CYP26C1: variants seen among roughly 807,000 people sequenced by gnomAD.
CYP26C1 encodes the protein cytochrome P450 26C1.
CYP26C1 carries 41 observed loss-of-function variants against 39.1 expected under a neutral mutation model. That is an observed-to-expected ratio of 1.05 (90% CI 0.82 to 1.36). The LOEUF is 1.36. CYP26C1 is among the 40% of genes most tolerant of loss of function. CYP26C1 has a pLI of 0.00. For synonymous variants in CYP26C1, 362 were observed against 350.8 expected (o/e 1.03, Z -0.36); for missense variants, 833 against 752.0 (o/e 1.11, Z -1.26).
Position 93,068,743 on chromosome 10 carries a change from C to T in CYP26C1, c.*46C>T. On this transcript the variant is annotated 3_prime_UTR_variant, in exon 6 of 6. Coordinates refer to ENST00000651965, the MANE Select transcript of CYP26C1 (RefSeq NM_183374.3). Reference sequence around the variant, plus strand: ...CGGCTTGGCCGGTGGCTATGGCGCGCACGCAGCGCCACCCATCTGCCGCTC... The same window carrying T: ...CGGCTTGGCCGGTGGCTATGGCGCGTACGCAGCGCCACCCATCTGCCGCTC... 1 of 1,463,310 alleles carries T rather than the reference C, an allele frequency of 6.8e-7. No homozygotes were observed. The highest frequency in any genetic ancestry group is 9.0e-7 in the Non-Finnish European group (1 of 1,109,030). 90.6% of individuals were successfully genotyped at this position (1,463,310 alleles called of 1,614,324 possible).
chr10:93,062,811 C>T lies in CYP26C1; in HGVS notation c.521C>T (p.Ala174Val). 6.4e-7 allele frequency: 1 copy of T among 1,555,224 alleles called. No homozygotes were observed. Among genetic ancestry groups the T allele is most frequent in the Non-Finnish European group, 8.6e-7 (1 of 1,157,196 alleles). Residue 174 changes from alanine to valine, a missense_variant, in exon 3 of 6, where the codon GCG becomes GTG. Physicochemically the swap from Ala to Val is moderately conservative, Grantham distance 64 (BLOSUM62 0). Coordinates refer to ENST00000651965, the MANE Select transcript of CYP26C1 (RefSeq NM_183374.3). ...CGGCATGAGGTGCGCTCCTGGTGCGCGGCGGGCGGGCCGGTCTCAGTCTAC... is the reference window on the plus strand; with the variant it reads ...CGGCATGAGGTGCGCTCCTGGTGCGTGGCGGGCGGGCCGGTCTCAGTCTAC... ...ALRHEVRSWCAAGGPVSVYDA... is the reference protein window; with the variant it reads ...ALRHEVRSWCVAGGPVSVYDA...
rs1422916323 is a variant in CYP26C1 at position 93,066,125 on chromosome 10, G to A, written c.1031G>A (p.Gly344Asp). The change falls in exon 5 of 6, where the codon GGC (glycine) becomes GAC (aspartate). Residue 344 changes from glycine to aspartate, a missense_variant. Gly to Asp is a moderately conservative substitution (Grantham distance 94). Coordinates refer to ENST00000651965, the MANE Select transcript of CYP26C1 (RefSeq NM_183374.3). ...ACGCAPGAAG[G>D]SEGPPPDCGC... ...GGCTGCGCGCCCGGGGCCGCTGGGG[G>A]CAGCGAGGGGCCCCCGCCCGACTGC... 2.2e-6 allele frequency: 3 copies of A among 1,334,422 alleles called. No homozygotes were observed. The highest frequency in any genetic ancestry group is 2.9e-6 in the Non-Finnish European group (3 of 1,047,358). 82.7% of individuals were successfully genotyped at this position (1,334,422 alleles called of 1,614,324 possible).
intron 5 of CYP26C1, among the ~76,000 whole-genome samples, chr10:93,066,718 C>G (rs963917333): frequency 6.6e-6 from 1 of 152,208 alleles, no homozygotes; most frequent in Non-Finnish European, 1.5e-5. Context: ...GAAGGAACCC[C>G]TCATTGCGAC....
chr10:93,068,005 GT>G (rs1048429381), intron 5 of CYP26C1, among the ~76,000 whole-genome samples: 1 of 152,150 alleles, frequency 6.6e-6, no homozygotes, highest in African/African-American at 2.4e-5. Flanking sequence ...ATAACTAATA[GT>G]TACCGTTTAC....
In CYP26C1 at chr10:93,066,301, C is replaced by T; in HGVS notation, c.1191+16C>T. The T allele has an allele frequency of 7.5e-7, 1 of 1,336,872 alleles. No homozygotes were observed. The highest frequency in any genetic ancestry group is 9.6e-7 in the Non-Finnish European group (1 of 1,043,326). 82.8% of individuals were successfully genotyped at this position (1,336,872 alleles called of 1,614,324 possible). On this transcript the variant is annotated intron_variant, in intron 5 of 5. Coordinates refer to ENST00000651965, the MANE Select transcript of CYP26C1 (RefSeq NM_183374.3). ...CGAGCTCGACGTAAGTGCGCCGTGC[C>T]AGCCCATGGCCAGCCTCCTGCCTCC...
Position 93,061,175 on chromosome 10 carries a change from C to T in CYP26C1, c.-89C>T. 1 of 1,378,602 alleles carries T rather than the reference C, an allele frequency of 7.3e-7. No homozygotes were observed. Among genetic ancestry groups the T allele is most frequent in the Non-Finnish European group, 9.9e-7 (1 of 1,013,338 alleles). The allele number at this position is 1,378,602 out of a possible 1,614,324, so 85.4% of individuals were successfully genotyped here. A position where few individuals can be genotyped will look rare whatever the true frequency, so the allele number is the denominator to read the frequency against. On this transcript the variant is annotated 5_prime_UTR_variant, in exon 1 of 6. Transcript: ENST00000651965. Reference sequence around the variant, plus strand: ...AACCCCAGGCCTTTTGCGGACGGAACAGGTGAGCACTGCGCACTGCTCGCG... The same window carrying T: ...AACCCCAGGCCTTTTGCGGACGGAATAGGTGAGCACTGCGCACTGCTCGCG...
chr10:93,063,601 CCA>C, intron 3 of CYP26C1: 1 of 985,600 alleles, frequency 1.0e-6, no homozygotes, highest in Non-Finnish European at 1.2e-6. Context: ...CTGGGACTTC[CCA>C]CTGTTTGATT....
At chr10:93,066,662 C>T (rs996021288) in intron 5 of CYP26C1, among the ~76,000 whole-genome samples, 1 of 152,192 alleles carries the variant, frequency 6.6e-6, no homozygotes, top group Non-Finnish European at 1.5e-5. Flanking sequence ...CAAAGAGAAC[C>T]CCTCAGTATG....
At chr10:93,063,234 C>T (rs1247270340) in intron 3 of CYP26C1, 1 of 1,243,940 alleles carries the variant, frequency 8.0e-7, no homozygotes, top group East Asian at 3.2e-5. Context: ...GTGGGACGCG[C>T]CTGCCGCGAC....
intron 3 of CYP26C1, chr10:93,063,911 T>A (rs1468744073): frequency 1.0e-6 from 1 of 986,848 alleles, no homozygotes; most frequent in Non-Finnish European, 1.2e-6. Flanking sequence ...GCATCCCCTA[T>A]TGCCCACGCT....
intron 4 of CYP26C1, among the ~76,000 whole-genome samples, chr10:93,065,582 G>GT (rs1449577939): frequency 6.6e-6 from 1 of 152,136 alleles, no homozygotes; most frequent in Non-Finnish European, 1.5e-5. Flanking sequence ...TGGAGTCTCC[G>GT]TTTTCAACTC....
chr10:93,063,124 C>G, intron 3 of CYP26C1, 129 bp downstream of exon 3: 2 of 1,424,812 alleles, frequency 1.4e-6, no homozygotes, highest in Non-Finnish European at 1.8e-6. Context: ...CGGCAGGGCC[C>G]GGGGGTGGGA....
In CYP26C1 at chr10:93,068,878, C is replaced by G. The variant is rs988253264; in HGVS notation, c.*181C>G. 7 of 1,083,104 alleles carry G rather than the reference C, an allele frequency of 6.5e-6. No individual in the cohort carries two copies. Among genetic ancestry groups the G allele is most frequent in the Non-Finnish European group, 6.2e-6 (5 of 806,752 alleles). The allele number at this position is 1,083,104 out of a possible 1,614,324, so 67.1% of individuals were successfully genotyped here. On this transcript the variant is annotated 3_prime_UTR_variant, in exon 6 of 6. Transcript: ENST00000651965. Reference sequence around the variant, plus strand: ...TCGAGGAAGGAGGAGGGCGAGCCACCGCTGCCGCGCCAGAGAAGCATCTAA... The same window carrying G: ...TCGAGGAAGGAGGAGGGCGAGCCACGGCTGCCGCGCCAGAGAAGCATCTAA...
rs1409002249 is a variant in CYP26C1 at position 93,062,844 on chromosome 10, C to T, written c.554C>T (p.Ser185Phe). Reference protein sequence around the residue: ...AGGPVSVYDASKALTFRMAAR... With the variant: ...AGGPVSVYDAFKALTFRMAAR... ...GGGCCGGTCTCAGTCTACGACGCCTCCAAAGCGCTCACCTTCCGCATGGCC... is the reference window on the plus strand; with the variant it reads ...GGGCCGGTCTCAGTCTACGACGCCTTCAAAGCGCTCACCTTCCGCATGGCC... The change falls in exon 3 of 6, where the codon TCC becomes TTC. Residue 185 changes from serine (S) to phenylalanine (F), a missense_variant. Transcript: ENST00000651965. The T allele has an allele frequency of 1.9e-6, 3 of 1,594,328 alleles. No homozygotes were observed. The highest frequency in any genetic ancestry group is 2.2e-5 in the East Asian group (1 of 44,626).
intron 1 of CYP26C1, 22 bp from the exon 2 acceptor site, chr10:93,061,988 C>G: frequency 6.5e-7 from 1 of 1,548,472 alleles, no homozygotes; most frequent in South Asian, 1.2e-5. Flanking sequence ...TTCCAGCTCT[C>G]CACCCTCCGC....
intron 4 of CYP26C1, among the ~76,000 whole-genome samples, chr10:93,065,351 C>A (rs55661575): frequency 3.2e-4 from 49 of 152,300 alleles, no homozygotes; most frequent in Non-Finnish European, 5.6e-4. Flanking sequence ...CAGAGCAGAC[C>A]AAGAAGACAT....
intron 4 of CYP26C1, 50 bp downstream of exon 4, chr10:93,064,586 GT>G: frequency 6.3e-7 from 1 of 1,579,656 alleles, no homozygotes; most frequent in Non-Finnish European, 8.6e-7. Flanking sequence ...TTCCCAGCAG[GT>G]CCCTACACCA....
intron 5 of CYP26C1, among the ~76,000 whole-genome samples, chr10:93,066,662 C>G (rs996021288): frequency 6.6e-6 from 1 of 152,192 alleles, no homozygotes; most frequent in African/African-American, 2.4e-5. Flanking sequence ...CAAAGAGAAC[C>G]CCTCAGTATG....
chr10:93,061,596 G>C, intron 1 of CYP26C1, 129 bp downstream of exon 1: 3 of 1,225,164 alleles, frequency 2.4e-6, no homozygotes, highest in South Asian at 2.7e-5. Flanking sequence ...ACCCCGGGAA[G>C]CGCGCACAAC....
Sources: gnomAD v4.1 joint callset for allele counts (sites outside exome capture counted in the v4.1 genomes callset) on GRCh38, gnomAD v4.1.1 for gene constraint, MANE v1.5 for transcripts, NCBI Gene and HGNC (gene_info 2026-07-23, HGNC 2026-07-21) for gene names.